KDM5C: variants seen among roughly 807,000 people sequenced by gnomAD.
The protein encoded by KDM5C is lysine-specific demethylase 5C.
Under a neutral mutation model 110.6 loss-of-function variants are expected in KDM5C, and 16 were observed. That is an observed-to-expected ratio of 0.14 (90% CI 0.10 to 0.22). KDM5C has a LOEUF of 0.22. Among genes scored for constraint, KDM5C ranks in the 10% least tolerant of loss-of-function variants. The pLI is 1.00. For missense variants in KDM5C, 681 were observed against 1,300.9 expected (o/e 0.52, Z 7.33); for synonymous variants, 511 against 520.4 (o/e 0.98, Z 0.24).
At position 53,201,302 on chromosome X, in the gene KDM5C, A is replaced by T. The variant is rs1300610568; in HGVS notation, c.2061+248T>A. On this transcript the variant is annotated intron_variant, in intron 14 of 25. Transcript: ENST00000375401. ...ACTAAGCAAACATTATCTTTAATACAATCAACTATCCAAAAAGATAAGCAT... is the reference window on the plus strand; with the variant it reads ...ACTAAGCAAACATTATCTTTAATACTATCAACTATCCAAAAAGATAAGCAT... 5 of 413,481 alleles carry T rather than the reference A, an allele frequency of 1.2e-5. No homozygotes were observed. The African/African-American group carries it at 1.2e-4, about 10-fold the overall frequency. The allele number at this position is 413,481 out of a possible 1,213,427, so 34.1% of individuals were successfully genotyped here. A position where few individuals can be genotyped will look rare whatever the true frequency, so the allele number is the denominator to read the frequency against.
intron 12 of KDM5C, 33 bp from the exon 13 acceptor site, chrX:53,202,006 T>C (rs782683591): frequency 5.0e-6 from 6 of 1,210,387 alleles, no homozygotes; most frequent in Non-Finnish European, 6.7e-6. Flanking sequence ...GCTGTTGAGA[T>C]AGAGATTTTC....
At chrX:53,202,084 C>G in intron 12 of KDM5C, 111 bp from the exon 13 acceptor site, 1 of 951,388 alleles carries the variant, frequency 1.1e-6, no homozygotes, top group African/African-American at 1.9e-5. Context: ...GGAACACAGT[C>G]TGACAACAGA....
Position 53,181,399 on chromosome X carries a change from G to A in KDM5C, c.4309-4777C>T, listed in dbSNP as rs1934043747. Among the ~76,000 whole-genome samples the A allele has an allele frequency of 2.7e-5, 3 of 110,598 alleles. No homozygotes were observed. In the Admixed American group the frequency reaches 2.9e-4, roughly 11 times the overall value. On this transcript the variant is annotated intron_variant, in intron 25 of 25. Transcript: ENST00000685641. ...CACCCTAAACCCCAACCCTCACTGAGTTTCCCCTGGCAGCAGAAGCAGCCC... is the reference window on the plus strand; with the variant it reads ...CACCCTAAACCCCAACCCTCACTGAATTTCCCCTGGCAGCAGAAGCAGCCC...
Position 53,224,884 on chromosome X carries a change from C to T in KDM5C, c.6G>A (p.Glu2=), listed in dbSNP as rs782383260. Residue 2 remains glutamate, a synonymous_variant, in exon 1 of 26, where the codon GAG becomes GAA. Coordinates refer to ENST00000375401, the MANE Select transcript of KDM5C (RefSeq NM_004187.5). Reference sequence around the variant, plus strand: ...GCGGTAGGAAATCGTCGGACCCCGGCTCCATGGTGGGCCCGAGGTCTGGGC... The same window carrying T: ...GCGGTAGGAAATCGTCGGACCCCGGTTCCATGGTGGGCCCGAGGTCTGGGC... M[E]PGSDDFLPPP... The T allele has an allele frequency of 5.8e-6, 7 of 1,204,938 alleles. No individual in the cohort carries two copies. Among genetic ancestry groups the T allele is most frequent in the Admixed American group, 4.4e-5 (2 of 45,674 alleles).
chrX:53,210,664 G>A lies in KDM5C; in HGVS notation c.1583+12C>T. 8.3e-7 allele frequency: 1 copy of A among 1,210,289 alleles called. No homozygotes were observed. The highest frequency in any genetic ancestry group is 1.1e-6 in the Non-Finnish European group (1 of 894,380). ...CTGACTTGATTCCCTGGCTCCCCAG[G>A]GTCCCACTCACCAGTGGAGGTAGTT... On this transcript the variant is annotated intron_variant, in intron 11 of 25. Transcript: ENST00000375401.
At chrX:53,219,149 C>T (rs2073831317) in intron 2 of KDM5C, among the ~76,000 whole-genome samples, 1 of 112,535 alleles carries the variant, frequency 8.9e-6, no homozygotes. Flanking sequence ...CAAATCAGTT[C>T]CACTGTGGAC....
intron 25 of KDM5C, among the ~76,000 whole-genome samples, chrX:53,183,735 AT>A (rs1190866632): frequency 9.2e-6 from 1 of 108,610 alleles, no homozygotes; most frequent in Non-Finnish European, 1.9e-5. Context: ...TGCCCGGATA[AT>A]TTTTTTAAAT....
chrX:53,185,024 C>T (rs998006524), intron 25 of KDM5C, among the ~76,000 whole-genome samples: 5 of 112,232 alleles, frequency 4.5e-5, no homozygotes, highest in South Asian at 3.7e-4. Context: ...ATGTTGGAAT[C>T]GATTAGTCAT....
intron 12 of KDM5C, among the ~76,000 whole-genome samples, chrX:53,204,879 A>G (rs1002164776): frequency 8.9e-6 from 1 of 112,086 alleles, no homozygotes; most frequent in Admixed American, 9.4e-5. Context: ...TGCCACTGAT[A>G]ACAAATCTTT....
intron 12 of KDM5C, among the ~76,000 whole-genome samples, chrX:53,206,931 T>C (rs1203811303): frequency 3.0e-5 from 3 of 99,403 alleles, no homozygotes; most frequent in Admixed American, 1.1e-4. Context: ...TCCCAGCACT[T>C]TGGGAGGCCG....
At chrX:53,201,474 A>C in intron 14 of KDM5C, 76 bp downstream of exon 14, 1 of 963,404 alleles carries the variant, frequency 1.0e-6, no homozygotes. Flanking sequence ...AGTAGAGGCT[A>C]CATCTTCTTG....
chrX:53,205,414 T>C (rs1421790927), intron 12 of KDM5C, among the ~76,000 whole-genome samples: 1 of 112,330 alleles, frequency 8.9e-6, no homozygotes, highest in Non-Finnish European at 1.9e-5. Context: ...CTCAAATCTA[T>C]CTCTACTTAG....
Position 53,201,640 on chromosome X carries a change from C to T in KDM5C, c.1971G>A (p.Lys657=). The T allele has an allele frequency of 8.2e-7, 1 of 1,212,188 alleles. No individual in the cohort carries two copies. Among genetic ancestry groups the T allele is most frequent in the Non-Finnish European group, 1.1e-6 (1 of 895,606 alleles). Reference sequence around the variant, plus strand: ...CAGCTGCCGCCAGGTTCAGGTCTAGCTTCTCTGGGCAGGCAGCCATCTTGC... The same window carrying T: ...CAGCTGCCGCCAGGTTCAGGTCTAGTTTCTCTGGGCAGGCAGCCATCTTGC... ...LICKMAACPE[K]LDLNLAAAVH... is the part of the protein sequence containing the mutation. The change falls in exon 14 of 26, where the codon AAG becomes AAA. Residue 657 remains lysine, a synonymous_variant. Coordinates refer to ENST00000375401, the MANE Select transcript of KDM5C (RefSeq NM_004187.5).
chrX:53,203,788 G>A (rs1162452149), intron 12 of KDM5C, among the ~76,000 whole-genome samples: 5 of 104,668 alleles, frequency 4.8e-5, no homozygotes, highest in South Asian at 4.2e-4. Flanking sequence ...TTTTTTTGAC[G>A]CAGAGTCTCA....
intron 21 of KDM5C, 72 bp downstream of exon 21, chrX:53,195,159 A>G: frequency 8.5e-7 from 1 of 1,170,839 alleles, no homozygotes; most frequent in Non-Finnish European, 1.2e-6. Flanking sequence ...AACCCATGTT[A>G]TCTCATGAGC....
rs2073747046 is a variant in KDM5C, at chrX:53,216,503, G to C, written c.658-306C>G. On this transcript the variant is annotated intron_variant, in intron 5 of 25. Coordinates refer to ENST00000375401, the MANE Select transcript of KDM5C (RefSeq NM_004187.5). ...GACAATACATATGAAAAAGCTAACA[G>C]TGTTTGGCATTACCAACAAATGGCA... Among the ~76,000 whole-genome samples the C allele has an allele frequency of 4.4e-5, 5 of 112,544 alleles. No homozygotes were observed. In the Admixed American group the frequency reaches 4.7e-4, roughly 11 times the overall value.
At chrX:53,201,114 A>ATTTAT (rs1456765815) in intron 14 of KDM5C, among the ~76,000 whole-genome samples, 1 of 112,405 alleles carries the variant, frequency 8.9e-6, no homozygotes, top group Non-Finnish European at 1.9e-5. Context: ...CAAGTTAGGT[A>ATTTAT]TTTATTCCCA....
intron 5 of KDM5C, 119 bp from the exon 6 acceptor site, chrX:53,216,316 T>C: frequency 9.7e-7 from 1 of 1,035,056 alleles, no homozygotes; most frequent in South Asian, 1.9e-5. Flanking sequence ...GAGGCACAGA[T>C]GGGCTAAGCC....
chrX:53,217,723 T>C (rs2073787979), intron 4 of KDM5C, 73 bp downstream of exon 4: 7 of 1,114,759 alleles, frequency 6.3e-6, no homozygotes, highest in Non-Finnish European at 8.7e-6. Context: ...ACTAAACCAG[T>C]TTCATTAAGA....
Sources: gnomAD v4.1 joint callset for allele counts (sites outside exome capture counted in the v4.1 genomes callset) on GRCh38, gnomAD v4.1.1 for gene constraint, MANE v1.5 for transcripts, NCBI Gene and HGNC (gene_info 2026-07-23, HGNC 2026-07-21) for gene names.